Variants in GRM1 observed in about 807,000 individuals in gnomAD.
GRM1 encodes the protein glutamate metabotropic receptor 1.
A neutral mutation model predicts 90.9 loss-of-function variants in GRM1; 33 were observed. The ratio of observed to expected loss-of-function variants is 0.36; its 90% CI spans 0.28 to 0.49. The LOEUF (loss-of-function observed/expected upper bound fraction) is 0.49. GRM1 is among the 20% of genes least tolerant of loss of function. GRM1 has a pLI of 0.99. For synonymous variants in GRM1, 700 were observed against 613.2 expected (o/e 1.14, Z -2.09); for missense variants, 1,190 against 1,534.3 (o/e 0.78, Z 3.75).
intron 6 of GRM1, among the ~76,000 whole-genome samples, chr6:146,390,033 G>C (rs1776659373): frequency 6.6e-6 from 1 of 152,000 alleles, no homozygotes; most frequent in Admixed American, 6.6e-5. Flanking sequence ...ACTCAGAAAA[G>C]TAAACGCATT....
chr6:146,282,432 C>A (rs1406820093), intron 2 of GRM1, among the ~76,000 whole-genome samples: 1 of 151,966 alleles, frequency 6.6e-6, no homozygotes, highest in East Asian at 1.9e-4. Flanking sequence ...TCCGTATAAT[C>A]TGGAATGCCC....
chr6:146,411,787 A>G (rs1014920420), intron 7 of GRM1, among the ~76,000 whole-genome samples: 5 of 152,228 alleles, frequency 3.3e-5, no homozygotes, highest in Admixed American at 6.5e-5. Flanking sequence ...CAGAGCCAAC[A>G]GAGACATGCC....
At chr6:146,094,765 A>G (rs1334633029) in intron 1 of GRM1, among the ~76,000 whole-genome samples, 2 of 152,104 alleles carry the variant, frequency 1.3e-5, no homozygotes, top group Admixed American at 6.6e-5. Context: ...GTCATTGAGA[A>G]TCTACTATAG....
intron 1 of GRM1, among the ~76,000 whole-genome samples, chr6:146,112,508 A>G (rs956061270): frequency 3.9e-5 from 6 of 152,072 alleles, no homozygotes; most frequent in African/African-American, 1.2e-4. Flanking sequence ...TGTGCTTTAT[A>G]GCATGTATTC....
chr6:146,028,206 GGGCGGTGGGGACTCGAGT>G (rs1317833498), upstream of GRM1, among the ~76,000 whole-genome samples: 1 of 151,644 alleles, frequency 6.6e-6, no homozygotes, highest in African/African-American at 2.4e-5. Flanking sequence ...GAGGGCGGAG[GGGCGGTGGGGACTCGAGT>G]GGAAGGGAGT....
chr6:146,136,669 G>T (rs533816534), intron 1 of GRM1, among the ~76,000 whole-genome samples: 1 of 152,178 alleles, frequency 6.6e-6, no homozygotes, highest in African/African-American at 2.4e-5. Flanking sequence ...ATATATTATG[G>T]TGATTAATCC....
At chr6:146,299,208 C>T (rs911120013) in intron 2 of GRM1, among the ~76,000 whole-genome samples, 3 of 152,176 alleles carry the variant, frequency 2.0e-5, no homozygotes, top group Non-Finnish European at 4.4e-5. Context: ...ATTCCTATTA[C>T]GTGACTCTTT....
chr6:146,252,766 A>C (rs1781341725), intron 2 of GRM1, among the ~76,000 whole-genome samples: 1 of 152,058 alleles, frequency 6.6e-6, no homozygotes, highest in East Asian at 1.9e-4. Flanking sequence ...TAAGTTTAAA[A>C]ATATTGATAA....
chr6:146,411,417 G>C (rs757295372), intron 7 of GRM1, among the ~76,000 whole-genome samples: 1 of 152,196 alleles, frequency 6.6e-6, no homozygotes, highest in Non-Finnish European at 1.5e-5. Flanking sequence ...AGTGAGACAA[G>C]ACTGGACAGG....
intron 1 of GRM1, among the ~76,000 whole-genome samples, chr6:146,073,162 G>A (rs1228787905): frequency 4.6e-5 from 7 of 152,000 alleles, no homozygotes; most frequent in African/African-American, 7.3e-5. Context: ...TTATTGGGAC[G>A]GGATATGTAT....
intron 2 of GRM1, among the ~76,000 whole-genome samples, chr6:146,220,788 C>T (rs2056995): frequency 0.22 from 33,455 of 152,062 alleles, 7,578 homozygotes; most frequent in African/African-American, 0.58. Flanking sequence ...CGTTGGGCAT[C>T]TAGCATAGAA....
chr6:146,319,518 G>T (rs1396596715), intron 3 of GRM1, among the ~76,000 whole-genome samples: 3 of 152,156 alleles, frequency 2.0e-5, no homozygotes, highest in African/African-American at 7.2e-5. Flanking sequence ...GTCAATGGTA[G>T]CTTGATGGGG....
chr6:146,134,431 A>C (rs902049550), intron 1 of GRM1, among the ~76,000 whole-genome samples: 1 of 152,196 alleles, frequency 6.6e-6, no homozygotes, highest in Admixed American at 6.5e-5. Context: ...AGACATACAC[A>C]AGACTAGGTA....
intron 7 of GRM1, among the ~76,000 whole-genome samples, chr6:146,422,370 T>C (rs1778027065): frequency 6.6e-6 from 1 of 152,182 alleles, no homozygotes; most frequent in African/African-American, 2.4e-5. Flanking sequence ...TGAAGGGAAG[T>C]TTGAGATCCT....
At chr6:146,132,109 A>G (rs574922137) in intron 1 of GRM1, among the ~76,000 whole-genome samples, 1 of 152,334 alleles carries the variant, frequency 6.6e-6, no homozygotes, top group Admixed American at 6.5e-5. Context: ...CAAAACAGGG[A>G]TACTGGAAGT....
At chr6:146,345,540 G>C (rs1203159650) in intron 3 of GRM1, among the ~76,000 whole-genome samples, 1 of 152,102 alleles carries the variant, frequency 6.6e-6, no homozygotes, top group Non-Finnish European at 1.5e-5. Flanking sequence ...TGTGTTATTA[G>C]CTCAGCCTAA....
In GRM1 at chr6:146,436,389, C is replaced by T. The variant is rs1397244192; in HGVS notation, c.*1593C>T. On this transcript the variant is annotated 3_prime_UTR_variant, in exon 8 of 8. Transcript: ENST00000282753. ...GAAAATAAAAGGTACATTTTATAAG[C>T]TTGCACACATTATTAACACATAAGA... 6.6e-6 allele frequency: 1 copy of T among 152,166 alleles called. No homozygotes were observed. Among genetic ancestry groups the T allele is most frequent in the South Asian group, 2.1e-4 (1 of 4,826 alleles). 9.4% of individuals were successfully genotyped at this position (152,166 alleles called of 1,614,324 possible). A position where few individuals can be genotyped will look rare whatever the true frequency, so the allele number is the denominator to read the frequency against.
chr6:146,410,034 T>C (rs1777504230), intron 7 of GRM1, among the ~76,000 whole-genome samples: 3 of 152,230 alleles, frequency 2.0e-5, no homozygotes, highest in Admixed American at 2.0e-4. Context: ...TTAATATCTT[T>C]TTCCACTTGA....
chr6:146,050,415 T>G (rs1258329406), intron 1 of GRM1, among the ~76,000 whole-genome samples: 1 of 152,038 alleles, frequency 6.6e-6, no homozygotes, highest in Non-Finnish European at 1.5e-5. Flanking sequence ...ACACACTGAT[T>G]TGTTTTAAAG....
Sources: allele counts gnomAD v4.1 joint callset (sites outside exome capture counted in the v4.1 genomes callset), GRCh38; gene constraint gnomAD v4.1.1; transcripts MANE v1.5; gene names NCBI Gene and HGNC (gene_info 2026-07-23, HGNC 2026-07-21).